The following TEX101 variants were observed in gnomAD, a reference collection of about 807,000 sequenced individuals.
The protein encoded by TEX101 is testis-expressed protein 101.
Under a neutral mutation model 18.1 loss-of-function variants are expected in TEX101, and 10 were observed. The ratio of observed to expected loss-of-function variants is 0.55; its 90% confidence interval spans 0.34 to 0.94. TEX101 has a LOEUF of 0.94. Among genes scored for constraint, TEX101 ranks in the 40% least tolerant of loss-of-function variants. The pLI is 0.02. For missense variants in TEX101, 259 were observed against 298.9 expected (o/e 0.87, Z 0.98); for synonymous variants, 94 against 114.8 (o/e 0.82, Z 1.16).
upstream of TEX101, among the ~76,000 whole-genome samples, chr19:43,414,161 G>GAGGGA (rs1970445666): frequency 7.1e-6 from 1 of 141,150 alleles, no homozygotes; most frequent in African/African-American, 2.5e-5. Flanking sequence ...GAGGGGAGGG[G>GAGGGA]AGGGAAGGGA....
rs34029449 is a variant in TEX101 at position 43,406,081 on chromosome 19, CA to C, written c.-282-122del. The C allele has an allele frequency of 4.1e-3, 242 of 58,848 alleles. 1 individual carries two copies. Among genetic ancestry groups the C allele is most frequent in the Middle Eastern group, 0.017 (1 of 60 alleles). 3.6% of individuals were successfully genotyped at this position (58,848 alleles called of 1,614,324 possible). On this transcript the variant is annotated intron_variant, in intron 2 of 7. Transcript: ENST00000602198. ...ACAACATAAGGAGACCCTGTCTCTA[CA>C]AAAAAAAAAAAAAAAAAAAGCCAGA...
In TEX101 at chr19:43,416,201, A is replaced by G. The variant is rs780229081; in HGVS notation, c.167A>G (p.Lys56Arg). The G allele has an allele frequency of 1.9e-6, 3 of 1,612,134 alleles. No individual in the cohort carries two copies. The highest frequency in any genetic ancestry group is 1.7e-6 in the Non-Finnish European group (2 of 1,179,486). The change falls in exon 3 of 6, where the codon AAA (lysine) becomes AGA (arginine). Residue 56 changes from lysine (K) to arginine (R), a missense_variant. Coordinates refer to ENST00000598265, the MANE Select transcript of TEX101 (RefSeq NM_001130011.3). ...WTTEEVETCD[K>R]GALCQETILI... ...ACAGAGGAAGTGGAGACTTGTGACA[A>G]AGGGGCACTTTGCCAGGAAACCATA...
intron 2 of TEX101, among the ~76,000 whole-genome samples, chr19:43,404,069 GTT>G (rs33928385): frequency 3.9e-5 from 4 of 103,198 alleles, no homozygotes; most frequent in Non-Finnish European, 7.5e-5. Context: ...AAGTGTGTGG[GTT>G]TTTTTTTTTT....
In TEX101 at chr19:43,415,014, G is replaced by A. The variant is rs778675026; in HGVS notation, c.-64G>A. On this transcript the variant is annotated 5_prime_UTR_variant, in exon 1 of 6. Coordinates refer to ENST00000598265, the MANE Select transcript of TEX101 (RefSeq NM_001130011.3). ...TTCTTTAAAGAGAAAAAGAAGGCTA[G>A]GGACTCAGATTCCTGGATTCTGAGG... The A allele has an allele frequency of 2.0e-6, 2 of 985,410 alleles. No individual in the cohort carries two copies. The highest frequency in any genetic ancestry group is 2.4e-6 in the Non-Finnish European group (2 of 829,938). 61.0% of individuals were successfully genotyped at this position (985,410 alleles called of 1,614,324 possible). A position where few individuals can be genotyped will look rare whatever the true frequency, so the allele number is the denominator to read the frequency against.
chr19:43,391,845 G>A, the TEX101 span, among the ~76,000 whole-genome samples: 1 of 152,212 alleles, frequency 6.6e-6, no homozygotes, highest in African/African-American at 2.4e-5. Flanking sequence ...ACACTGGTTA[G>A]TCAGCAGGTG....
chr19:43,404,413 T>C (rs187223381), intron 2 of TEX101, among the ~76,000 whole-genome samples: 3,354 of 152,304 alleles, frequency 0.022, 139 homozygotes, highest in African/African-American at 0.076. Context: ...TATATTATAT[T>C]ACATATGTTT....
At chr19:43,397,850 A>AAT (rs963479374), upstream of TEX101, among the ~76,000 whole-genome samples, 1 of 107,566 alleles carries the variant, frequency 9.3e-6, no homozygotes, top group Non-Finnish European at 1.8e-5. Context: ...ATAAATATAT[A>AAT]ATATATATAA....
upstream of TEX101, among the ~76,000 whole-genome samples, chr19:43,397,003 ATTGT>A (rs918005032): frequency 1.4e-4 from 21 of 151,496 alleles, no homozygotes; most frequent in African/African-American, 3.9e-4. Flanking sequence ...CACCCGGCTA[ATTGT>A]TTGTATTTTT....
chr19:43,415,591 A>G (rs1311324382), intron 1 of TEX101, among the ~76,000 whole-genome samples: 1 of 151,930 alleles, frequency 6.6e-6, no homozygotes, highest in Non-Finnish European at 1.5e-5. Flanking sequence ...GTGAAACGTC[A>G]TCTCTACTAA....
upstream of TEX101, among the ~76,000 whole-genome samples, chr19:43,413,085 T>C (rs1403169850): frequency 6.6e-6 from 1 of 152,196 alleles, no homozygotes; most frequent in Non-Finnish European, 1.5e-5. Flanking sequence ...CCAGACATTA[T>C]ATGAAAAAGC....
At chr19:43,405,364 T>G (rs1409328624) in intron 2 of TEX101, among the ~76,000 whole-genome samples, 1 of 150,332 alleles carries the variant, frequency 6.7e-6, no homozygotes, top group Non-Finnish European at 1.5e-5. Context: ...AGGTCAGGAG[T>G]TGTCTACCAG....
intron 1 of TEX101, among the ~76,000 whole-genome samples, chr19:43,415,433 AACG>A (rs754767742): frequency 2.0e-5 from 3 of 152,066 alleles, no homozygotes; most frequent in Admixed American, 1.3e-4. Flanking sequence ...TTAGGGACAG[AACG>A]ACTTTAGAAG....
At chr19:43,391,114 A>G in the TEX101 span, among the ~76,000 whole-genome samples, 1 of 152,200 alleles carries the variant, frequency 6.6e-6, no homozygotes, top group Non-Finnish European at 1.5e-5. Context: ...TCATTTGTAC[A>G]TATAGACCAC....
the TEX101 span, among the ~76,000 whole-genome samples, chr19:43,394,730 A>G: frequency 6.6e-6 from 1 of 152,180 alleles, no homozygotes; most frequent in Admixed American, 6.5e-5. Context: ...TCGACCTCCC[A>G]AAGTGCTGGG....
the TEX101 span, among the ~76,000 whole-genome samples, chr19:43,392,617 C>T: frequency 4.0e-5 from 6 of 151,834 alleles, 1 homozygote; most frequent in South Asian, 1.3e-3. Flanking sequence ...GCTGATGGGG[C>T]CACACAAAAT....
the TEX101 span, among the ~76,000 whole-genome samples, chr19:43,392,760 C>G: frequency 6.6e-6 from 1 of 151,970 alleles, no homozygotes; most frequent in Admixed American, 6.6e-5. Flanking sequence ...CATAAATACA[C>G]AGAAACAGAA....
At chr19:43,392,797 C>A in the TEX101 span, among the ~76,000 whole-genome samples, 3 of 152,112 alleles carry the variant, frequency 2.0e-5, no homozygotes, top group African/African-American at 7.2e-5. Flanking sequence ...GTGGCTCACA[C>A]CTGTAATCCC....
upstream of TEX101, among the ~76,000 whole-genome samples, chr19:43,413,395 G>A (rs1382868147): frequency 4.0e-5 from 6 of 151,728 alleles, no homozygotes; most frequent in East Asian, 1.9e-4. Context: ...CCAGCTACTC[G>A]GGAGGCGGAG....
chr19:43,416,329 G>T (rs1443463402), intron 3 of TEX101, 44 bp from the exon 4 acceptor site: 1 of 1,592,026 alleles, frequency 6.3e-7, no homozygotes, highest in Admixed American at 1.7e-5. Context: ...CAGGCCAATT[G>T]TGACGGCCAC....
Sources: allele counts gnomAD v4.1 joint callset (sites outside exome capture counted in the v4.1 genomes callset), GRCh38; gene constraint gnomAD v4.1.1; transcripts MANE v1.5; gene names NCBI Gene and HGNC (gene_info 2026-07-23, HGNC 2026-07-21).